The following RAB27A variants were observed in gnomAD, a reference collection of about 807,000 sequenced individuals.
RAB27A encodes the protein RAB27A, member RAS oncogene family, also known as ras-related protein Rab-27A.
RAB27A carries 17 observed loss-of-function variants against 20.8 expected under a neutral mutation model. The observed-to-expected ratio is 0.82, with a 90% confidence interval of 0.56 to 1.23. The LOEUF (loss-of-function observed/expected upper bound fraction) is 1.23, where lower values mean the gene tolerates loss of function less well. RAB27A is among the 50% of genes most tolerant of loss of function. The pLI is 0.00. For missense variants in RAB27A, 277 were observed against 266.7 expected (o/e 1.04, Z -0.27); for synonymous variants, 85 against 92.8 (o/e 0.92, Z 0.48).
chr15:55,214,240 T>A (rs187266702), intron 6 of RAB27A, among the ~76,000 whole-genome samples: 27 of 152,226 alleles, frequency 1.8e-4, no homozygotes, highest in Middle Eastern at 6.8e-3. Flanking sequence ...ATCGAGACCA[T>A]CCTGGCTAAC....
upstream of RAB27A, among the ~76,000 whole-genome samples, chr15:55,294,272 A>C (rs1026150533): frequency 6.6e-6 from 1 of 152,094 alleles, no homozygotes; most frequent in Non-Finnish European, 1.5e-5. Flanking sequence ...GTACTGGGAG[A>C]ACTGGATATC....
chr15:55,206,682 C>T (rs1312743922), intron 6 of RAB27A, among the ~76,000 whole-genome samples: 3 of 151,992 alleles, frequency 2.0e-5, no homozygotes, highest in Non-Finnish European at 2.9e-5. Context: ...GTATGAAAGC[C>T]GTTTAAATTC....
At chr15:55,304,001 G>A (rs1304722191) in intron 2 of RAB27A, among the ~76,000 whole-genome samples, 6 of 150,956 alleles carry the variant, frequency 4.0e-5, no homozygotes, top group Non-Finnish European at 7.4e-5. Flanking sequence ...GATGACAATG[G>A]CGGCTTTGTG....
rs946173899 is a variant in RAB27A at position 55,219,846 on chromosome 15, T to C, written c.467+4043A>G. The stretch of plus-strand genomic sequence containing the variant: ...ATTGGAAACCATTATGTTGCATTTG[T>C]TCCAGGAAAATTCAATTGGTTTACC... On this transcript the variant is annotated intron_variant, in intron 6 of 6. Transcript: ENST00000336787. Among the ~76,000 whole-genome samples, 17 of 152,144 alleles carry C rather than the reference T, an allele frequency of 1.1e-4. 1 individual carries two copies.
In RAB27A at chr15:55,275,259, C is replaced by CA. The variant is rs59710970; in HGVS notation, c.-142-4976dup. Among the ~76,000 whole-genome samples, 814 of 131,104 alleles carry CA rather than the reference C, an allele frequency of 6.2e-3. 7 individuals are homozygous for CA. The highest frequency in any genetic ancestry group is 0.021 in the African/African-American group (751 of 35,286). The allele number at this position is 131,104 out of a possible 152,430, so 86.0% of individuals were successfully genotyped here. ...AGAGTGAGACTCCATCTAACAACAA[C>CA]AAAAAAAAAAAGACAAAAAAAAGTG... On this transcript the variant is annotated intron_variant, in intron 1 of 6. Coordinates refer to ENST00000336787, the MANE Select transcript of RAB27A (RefSeq NM_183235.3).
At chr15:55,295,954 C>T (rs1330759651) in intron 2 of RAB27A, among the ~76,000 whole-genome samples, 4 of 149,898 alleles carry the variant, frequency 2.7e-5, no homozygotes, top group African/African-American at 9.8e-5. Context: ...TAGAGTGCAG[C>T]GGTGTGACCT....
intron 2 of RAB27A, among the ~76,000 whole-genome samples, chr15:55,312,112 G>A (rs761907519): frequency 3.9e-5 from 6 of 152,232 alleles, no homozygotes; most frequent in Non-Finnish European, 7.3e-5. Context: ...GCTCTTAGCC[G>A]TGCAGGAACA....
intron 2 of RAB27A, among the ~76,000 whole-genome samples, chr15:55,236,587 A>G (rs1242923113): frequency 1.3e-5 from 2 of 152,212 alleles, no homozygotes; most frequent in Non-Finnish European, 2.9e-5. Flanking sequence ...AACCACGGCT[A>G]TTTTTGGTTC....
At chr15:55,289,217 C>T (rs1239462895) in intron 1 of RAB27A, 1 of 152,418 alleles carries the variant, frequency 6.6e-6, no homozygotes, top group African/African-American at 2.4e-5. Flanking sequence ...ACCACCAGTC[C>T]CGACCGGAGG....
intron 1 of RAB27A, among the ~76,000 whole-genome samples, chr15:55,286,912 C>A: frequency 1.7e-5 from 1 of 57,168 alleles, no homozygotes; most frequent in African/African-American, 6.1e-5. Flanking sequence ...TAGATGTATT[C>A]TTTTTTTTTT....
chr15:55,247,309 GAAA>G (rs1191260461), intron 2 of RAB27A, among the ~76,000 whole-genome samples: 1 of 149,932 alleles, frequency 6.7e-6, no homozygotes, highest in South Asian at 2.1e-4. Flanking sequence ...CTCAAAGGCA[GAAA>G]AAAATAGAAA....
At chr15:55,307,833 CCTGA>C (rs2055004846) in intron 2 of RAB27A, among the ~76,000 whole-genome samples, 1 of 150,778 alleles carries the variant, frequency 6.6e-6, no homozygotes, top group African/African-American at 2.4e-5. Context: ...CTTCACAGGC[CCTGA>C]CTATCTGCTT....
At chr15:55,245,133 G>C (rs1457833760) in intron 2 of RAB27A, among the ~76,000 whole-genome samples, 1 of 152,142 alleles carries the variant, frequency 6.6e-6, no homozygotes, top group Admixed American at 6.5e-5. Context: ...AACTCTCACA[G>C]ACCATTACAA....
chr15:55,258,580 T>C (rs1001530936), intron 2 of RAB27A, among the ~76,000 whole-genome samples: 1 of 152,238 alleles, frequency 6.6e-6, no homozygotes, highest in African/African-American at 2.4e-5. Context: ...GCTATACCTA[T>C]GCACACATGT....
intron 2 of RAB27A, among the ~76,000 whole-genome samples, chr15:55,251,386 A>G (rs16976231): frequency 0.14 from 21,560 of 152,122 alleles, 2,053 homozygotes; most frequent in African/African-American, 0.24. Context: ...TCGAGGCCAA[A>G]CTGCCCAAAA....
intron 2 of RAB27A, among the ~76,000 whole-genome samples, chr15:55,308,416 C>T (rs977587787): frequency 3.9e-5 from 6 of 152,146 alleles, no homozygotes; most frequent in East Asian, 1.9e-4. Flanking sequence ...TTCTAGTGCC[C>T]GAGTGAGGAC....
intron 6 of RAB27A, among the ~76,000 whole-genome samples, chr15:55,210,055 C>T (rs1292407132): frequency 7.3e-6 from 1 of 136,172 alleles, no homozygotes; most frequent in African/African-American, 2.9e-5. Flanking sequence ...TACATATATA[C>T]ACATATGTGT....
chr15:55,318,647 G>A (rs1295448993), intron 1 of RAB27A, among the ~76,000 whole-genome samples: 2 of 149,642 alleles, frequency 1.3e-5, no homozygotes, highest in African/African-American at 4.9e-5. Flanking sequence ...GTTGCAGTGA[G>A]CCCAGATTGC....
At chr15:55,219,673 A>G (rs1895473550) in intron 6 of RAB27A, among the ~76,000 whole-genome samples, 1 of 152,210 alleles carries the variant, frequency 6.6e-6, no homozygotes, top group South Asian at 2.1e-4. Context: ...TTTCTCTTCT[A>G]CTTGTCACTG....
Sources: gnomAD v4.1 joint callset for allele counts (sites outside exome capture counted in the v4.1 genomes callset) on GRCh38, gnomAD v4.1.1 for gene constraint, MANE v1.5 for transcripts, NCBI Gene and HGNC (gene_info 2026-07-23, HGNC 2026-07-21) for gene names.